The following LIMA1 variants were observed in gnomAD, a reference collection of about 807,000 sequenced individuals.
LIMA1 encodes LIM domain and actin-binding protein 1.
In LIMA1, 52 loss-of-function variants were observed where a neutral mutation model predicts 62.6. The observed-to-expected ratio is 0.83, with a 90% CI of 0.67 to 1.05. The LOEUF is 1.05. Among genes scored for constraint, LIMA1 ranks in the 50% least tolerant of loss-of-function variants. LIMA1 has a pLI of 0.00. For missense variants in LIMA1, 780 were observed against 902.2 expected (o/e 0.86, Z 1.74); for synonymous variants, 302 against 317.8 (o/e 0.95, Z 0.53).
chr12:50,181,763 T>TA (rs1940507047), intron 10 of LIMA1, 141 bp downstream of exon 10: 1 of 851,374 alleles, frequency 1.2e-6, no homozygotes, highest in Admixed American at 2.8e-5. Context: ...GACTTGTCAC[T>TA]AAATGATGCT....
intron 3 of LIMA1, among the ~76,000 whole-genome samples, chr12:50,224,896 ATTTTT>A (rs773474227): frequency 1.9e-5 from 2 of 104,858 alleles, no homozygotes; most frequent in African/African-American, 8.2e-5. Context: ...CATGCCTGGC[ATTTTT>A]TTTTTTTTTT....
intron 4 of LIMA1, chr12:50,219,537 C>T (rs1004051693): frequency 6.6e-6 from 1 of 152,052 alleles, no homozygotes; most frequent in African/African-American, 2.4e-5. Context: ...TCAGTATGGA[C>T]AATGATGCTT....
chr12:50,193,331 A>C (rs1940822044), intron 8 of LIMA1, among the ~76,000 whole-genome samples: 1 of 151,440 alleles, frequency 6.6e-6, no homozygotes, highest in African/African-American at 2.4e-5. Context: ...CGAAATTTTA[A>C]GGTAGGATTA....
chr12:50,282,335 A>C (rs1057442558), intron 1 of LIMA1, among the ~76,000 whole-genome samples: 3 of 152,200 alleles, frequency 2.0e-5, no homozygotes, highest in Non-Finnish European at 4.4e-5. Flanking sequence ...GATAAAAGGT[A>C]CTGTGTTAAA....
intron 2 of LIMA1, among the ~76,000 whole-genome samples, chr12:50,240,212 A>G (rs923314305): frequency 2.0e-5 from 3 of 152,186 alleles, no homozygotes; most frequent in African/African-American, 2.4e-5. Context: ...TCAAGGCAAG[A>G]AAGTGTCTCA....
intron 1 of LIMA1, among the ~76,000 whole-genome samples, chr12:50,270,604 C>CAAA (rs150300834): frequency 4.6e-4 from 33 of 71,676 alleles, no homozygotes; most frequent in Admixed American, 1.7e-3. Flanking sequence ...GACCTTATCT[C>CAAA]AAAAAAAAAA....
intron 8 of LIMA1, chr12:50,195,582 A>G (rs1320999469): frequency 5.7e-6 from 2 of 351,738 alleles, no homozygotes; most frequent in East Asian, 4.4e-5. Context: ...TGGTGCAAAA[A>G]GTAGGATGAA....
At chr12:50,192,698 T>G in intron 8 of LIMA1, 137 bp from the exon 9 acceptor site, 1 of 647,298 alleles carries the variant, frequency 1.5e-6, no homozygotes, top group Admixed American at 2.4e-5. Context: ...TGCTTTTCTG[T>G]TGAAGAATAT....
intron 1 of LIMA1, among the ~76,000 whole-genome samples, chr12:50,264,682 C>T (rs989454403): frequency 3.9e-5 from 6 of 152,176 alleles, no homozygotes; most frequent in Non-Finnish European, 8.8e-5. Flanking sequence ...AAAACAGTGC[C>T]CAGCACATTG....
At position 50,183,697 on chromosome 12, in the gene LIMA1, G is replaced by A. The variant is rs550539105; in HGVS notation, c.1141-1660C>T. On this transcript the variant is annotated intron_variant, in intron 9 of 10. Transcript: ENST00000341247. Reference sequence around the variant, plus strand: ...ATGGTGGCGTGTGCCTATAGTCCCAGCTACTCGGGAGGCTGAGGCAGGAGA... The same window carrying A: ...ATGGTGGCGTGTGCCTATAGTCCCAACTACTCGGGAGGCTGAGGCAGGAGA... 2.0e-5 allele frequency among the ~76,000 whole-genome samples: 3 copies of A among 150,874 alleles called. No homozygotes were observed. The East Asian group carries it at 5.9e-4, about 30-fold the overall frequency.
intron 2 of LIMA1, chr12:50,234,211 CTTT>C (rs530660438): frequency 2.3e-3 from 871 of 374,004 alleles, no homozygotes; most frequent in South Asian, 3.8e-3. Flanking sequence ...CCAGAACAAC[CTTT>C]TTTTTTTTTT....
intron 4 of LIMA1, among the ~76,000 whole-genome samples, chr12:50,213,241 G>A (rs559072922): frequency 2.3e-4 from 35 of 152,312 alleles, no homozygotes; most frequent in South Asian, 4.1e-4. Flanking sequence ...ATAAACTGTG[G>A]GAAGACAGAG....
rs71441354 is a variant in LIMA1 at position 50,280,144 on chromosome 12, ATTTTTTTT to A, written c.-24+3268_-24+3275del. 1.2e-3 allele frequency among the ~76,000 whole-genome samples: 82 copies of A among 68,310 alleles called. No individual in the cohort carries two copies. In the South Asian group the frequency reaches 0.018, roughly 15 times the overall value. The allele number at this position is 68,310 out of a possible 152,430, so 44.8% of individuals were successfully genotyped here. ...AAGTTCTTAGTTTCAGGGTAGTAGT[ATTTTTTTT>A]TTTTTTTTTTTTTTTTTTTTGAGAC... On this transcript the variant is annotated intron_variant, in intron 1 of 10. Coordinates refer to ENST00000341247, the MANE Select transcript of LIMA1 (RefSeq NM_016357.5).
intron 1 of LIMA1, among the ~76,000 whole-genome samples, chr12:50,251,694 G>A (rs908448136): frequency 3.3e-5 from 5 of 150,804 alleles, no homozygotes; most frequent in South Asian, 2.1e-4. Flanking sequence ...TACCGAGCAC[G>A]ATAAAGAAAA....
At chr12:50,229,570 G>T (rs1941579342) in intron 3 of LIMA1, among the ~76,000 whole-genome samples, 1 of 152,132 alleles carries the variant, frequency 6.6e-6, no homozygotes, top group Admixed American at 6.6e-5. Context: ...GGGAGGGATA[G>T]CATTAGGAGA....
chr12:50,211,324 AC>A (rs1555206311), intron 4 of LIMA1, among the ~76,000 whole-genome samples: 9 of 93,532 alleles, frequency 9.6e-5, no homozygotes, highest in Non-Finnish European at 2.0e-4. Context: ...ACTCCGCCCC[AC>A]CCCCCCAAAA....
At position 50,222,365 on chromosome 12, in the gene LIMA1, C is replaced by T. The variant is rs911694525; in HGVS notation, c.286G>A (p.Glu96Lys). 1 of 1,614,030 alleles carries T rather than the reference C, an allele frequency of 6.2e-7. No individual in the cohort carries two copies. Among genetic ancestry groups the T allele is most frequent in the Non-Finnish European group, 8.5e-7 (1 of 1,180,032 alleles). ...HTDSLRNSST[E>K]IRHRADHPPA... ...GGATGGTCTGCTCTGTGCCTAATCTCAGTGCTGCTGTTCCGTAGAGAGTCT... is the reference window on the plus strand; with the variant it reads ...GGATGGTCTGCTCTGTGCCTAATCTTAGTGCTGCTGTTCCGTAGAGAGTCT... Residue 96 changes from glutamate to lysine, a missense_variant, in exon 4 of 11, where the codon GAG (glutamate) becomes AAG (lysine). By Grantham distance (56) the Glu-to-Lys change is moderately conservative. Coordinates refer to ENST00000341247, the MANE Select transcript of LIMA1 (RefSeq NM_016357.5).
At chr12:50,265,433 T>C (rs1195275262) in intron 1 of LIMA1, among the ~76,000 whole-genome samples, 2 of 151,948 alleles carry the variant, frequency 1.3e-5, no homozygotes, top group African/African-American at 4.8e-5. Context: ...GGCAGGAGAA[T>C]TGCTTGAACC....
chr12:50,269,336 G>C (rs1240948937), intron 1 of LIMA1, among the ~76,000 whole-genome samples: 2 of 152,150 alleles, frequency 1.3e-5, no homozygotes, highest in African/African-American at 4.8e-5. Flanking sequence ...TGAAGAAACT[G>C]AGGCCCAAAG....
Sources: gnomAD v4.1 joint callset for allele counts (sites outside exome capture counted in the v4.1 genomes callset) on GRCh38, gnomAD v4.1.1 for gene constraint, MANE v1.5 for transcripts, NCBI Gene and HGNC (gene_info 2026-07-23, HGNC 2026-07-21) for gene names.